Variants in PARD3B observed in about 807,000 individuals in gnomAD.
PARD3B encodes the protein partitioning defective 3 homolog B.
Under a neutral mutation model 130.2 loss-of-function variants are expected in PARD3B, and 103 were observed. That is an observed-to-expected ratio of 0.79 (90% CI 0.67 to 0.93). The LOEUF (loss-of-function observed/expected upper bound fraction) is 0.93, where lower values mean the gene tolerates loss of function less well. PARD3B is among the 40% of genes least tolerant of loss of function. The pLI, the probability that PARD3B is intolerant of heterozygous loss-of-function variation, is 0.00. For synonymous variants in PARD3B, 583 were observed against 553.2 expected, an observed-to-expected ratio of 1.05 and a Z score of -0.76; for missense variants, 1,609 against 1,499.2, an observed-to-expected ratio of 1.07 and a Z score of -1.21.
chr2:205,506,927 A>G (rs1163800923), intron 21 of PARD3B, among the ~76,000 whole-genome samples: 1 of 152,058 alleles, frequency 6.6e-6, no homozygotes, highest in East Asian at 1.9e-4. Flanking sequence ...GCTGGATCCA[A>G]CTCCTCCAGA....
At chr2:205,338,213 G>A (rs1026294474) in intron 18 of PARD3B, among the ~76,000 whole-genome samples, 14 of 150,432 alleles carry the variant, frequency 9.3e-5, no homozygotes, top group Non-Finnish European at 1.8e-4. Flanking sequence ...CTGTGATGGG[G>A]AAAGATTGTA....
intron 19 of PARD3B, among the ~76,000 whole-genome samples, chr2:205,423,840 A>G (rs193290601): frequency 6.6e-6 from 1 of 152,326 alleles, no homozygotes. Flanking sequence ...ACACCAGAAC[A>G]GAAAACCAAA....
At chr2:204,807,443 A>C (rs2042808587) in intron 2 of PARD3B, among the ~76,000 whole-genome samples, 1 of 152,144 alleles carries the variant, frequency 6.6e-6, no homozygotes, top group African/African-American at 2.4e-5. Context: ...GAGGTTCCTC[A>C]AAAGAAACAA....
intron 14 of PARD3B, among the ~76,000 whole-genome samples, chr2:205,191,029 A>G (rs533572672): frequency 9.4e-4 from 141 of 149,616 alleles, no homozygotes; most frequent in Middle Eastern, 3.5e-3. Context: ...TTATATATCA[A>G]TGGCTTCGTG....
At chr2:204,790,080 C>T (rs976605410) in intron 2 of PARD3B, among the ~76,000 whole-genome samples, 25 of 152,126 alleles carry the variant, frequency 1.6e-4, no homozygotes, top group African/African-American at 5.3e-4. Flanking sequence ...CCGTGTTAGC[C>T]AGGATGGTCT....
At chr2:204,998,693 C>T (rs989238649) in intron 3 of PARD3B, among the ~76,000 whole-genome samples, 3 of 151,516 alleles carry the variant, frequency 2.0e-5, no homozygotes, top group Non-Finnish European at 4.4e-5. Flanking sequence ...AAATGTTTTT[C>T]GCTTTTCATC....
chr2:204,676,045 C>G (rs1314475629), intron 1 of PARD3B, among the ~76,000 whole-genome samples: 1 of 103,876 alleles, frequency 9.6e-6, no homozygotes, highest in Non-Finnish European at 2.2e-5. Flanking sequence ...GGTCTCTGAG[C>G]CAATGAATTC....
chr2:204,789,115 G>GA (rs2042113727), intron 2 of PARD3B, among the ~76,000 whole-genome samples: 1 of 152,132 alleles, frequency 6.6e-6, no homozygotes. Flanking sequence ...GGAGTGAAGT[G>GA]GTGCAATCAT....
chr2:205,453,416 AG>A (rs1400561680), intron 20 of PARD3B, among the ~76,000 whole-genome samples: 1 of 152,216 alleles, frequency 6.6e-6, no homozygotes, highest in Non-Finnish European at 1.5e-5. Flanking sequence ...AGATAATCTA[AG>A]ATAAAACATT....
intron 1 of PARD3B, among the ~76,000 whole-genome samples, chr2:204,563,261 CTCTCTT>C (rs1251052076): frequency 8.8e-4 from 126 of 142,974 alleles, no homozygotes; most frequent in Middle Eastern, 4.0e-3. Context: ...CTCTCTCTCT[CTCTCTT>C]TCTCTCTTCT....
chr2:204,973,493 T>G (rs1691879463), intron 3 of PARD3B, among the ~76,000 whole-genome samples: 1 of 102,736 alleles, frequency 9.7e-6, no homozygotes, highest in South Asian at 4.6e-4. Flanking sequence ...AATGTAATGT[T>G]TAGCCTTTAA....
chr2:204,881,447 A>T (rs2046043018), intron 2 of PARD3B, among the ~76,000 whole-genome samples: 1 of 151,536 alleles, frequency 6.6e-6, no homozygotes, highest in Non-Finnish European at 1.5e-5. Context: ...TAACATTTAA[A>T]TTTTTGCTTA....
Position 205,585,941 on chromosome 2 carries a change from A to C in PARD3B, c.3261-29515A>C, listed in dbSNP as rs1348022103. ...CAGCCTACGTCCACAATAAACCAACAGTCCAGGCATTGGTTTCTGAGCTTT... is the reference window on the plus strand; with the variant it reads ...CAGCCTACGTCCACAATAAACCAACCGTCCAGGCATTGGTTTCTGAGCTTT... On this transcript the variant is annotated intron_variant, in intron 22 of 22. Transcript: ENST00000406610. This position sits in a 1 kb window ranked among gnomAD's most constrained non-coding sequence, Gnocchi z 5.4. 2.6e-5 allele frequency among the ~76,000 whole-genome samples: 4 copies of C among 152,206 alleles called. No individual in the cohort carries two copies. Among genetic ancestry groups the C allele is most frequent in the African/African-American group, 9.6e-5 (4 of 41,464 alleles).
chr2:204,684,185 C>T (rs530110968), intron 1 of PARD3B, among the ~76,000 whole-genome samples: 2 of 152,192 alleles, frequency 1.3e-5, no homozygotes, highest in African/African-American at 2.4e-5. Flanking sequence ...GATTATTTAC[C>T]TCCATCGTAG....
rs370490072 is a variant in PARD3B, at chr2:204,757,703, T to A, written c.222+71421T>A. On this transcript the variant is annotated intron_variant, in intron 2 of 22. Coordinates refer to ENST00000406610, the MANE Select transcript of PARD3B (RefSeq NM_001302769.2). ...TATGAAACTAGCGATTTTAAAACTT[T>A]TAATTTTTATTTAAAATTCAGATGA... Among the ~76,000 whole-genome samples the A allele has an allele frequency of 3.3e-4, 51 of 152,300 alleles. No homozygotes were observed. In the South Asian group the frequency reaches 6.0e-3, roughly 18 times the overall value.
At position 204,644,245 on chromosome 2, in the gene PARD3B, T is replaced by C. The variant is rs548010403; in HGVS notation, c.121-41936T>C. Among the ~76,000 whole-genome samples the C allele has an allele frequency of 9.2e-5, 14 of 152,276 alleles. No individual in the cohort carries two copies. The South Asian group carries it at 2.9e-3, about 32-fold the overall frequency. ...ATGTTTTCATGGGGACACATTTCTC[T>C]ACATAGGGACTGAAAGTTCCTTAAG... On this transcript the variant is annotated intron_variant, in intron 1 of 22. Coordinates refer to ENST00000406610, the MANE Select transcript of PARD3B (RefSeq NM_001302769.2).
intron 15 of PARD3B, among the ~76,000 whole-genome samples, chr2:205,202,212 T>C (rs1389859567): frequency 1.3e-5 from 2 of 152,232 alleles, no homozygotes; most frequent in East Asian, 1.9e-4. Context: ...TGTAGAAATA[T>C]AGATCACTAT....
intron 2 of PARD3B, among the ~76,000 whole-genome samples, chr2:204,782,845 A>G (rs2041886290): frequency 6.6e-6 from 1 of 151,926 alleles, no homozygotes; most frequent in African/African-American, 2.4e-5. Flanking sequence ...TTTTATTTCC[A>G]TACTGTTGGT....
intron 1 of PARD3B, among the ~76,000 whole-genome samples, chr2:204,671,169 T>C (rs1198036216): frequency 6.6e-6 from 1 of 152,114 alleles, no homozygotes; most frequent in Non-Finnish European, 1.5e-5. Flanking sequence ...GAGGGTTGAG[T>C]GTAAGCCTGG....
Sources: allele counts gnomAD v4.1 joint callset (sites outside exome capture counted in the v4.1 genomes callset), GRCh38; gene constraint gnomAD v4.1.1; non-coding constraint Gnocchi (gnomAD v3.1); transcripts MANE v1.5; gene names NCBI Gene and HGNC (gene_info 2026-07-23, HGNC 2026-07-21).